STPG2: variants seen among roughly 807,000 people sequenced by gnomAD.
STPG2 encodes sperm tail PG-rich repeat containing 2, also known as sperm-tail PG-rich repeat-containing protein 2.
STPG2 carries 56 observed loss-of-function variants against 54.2 expected under a neutral mutation model. That is an observed-to-expected ratio of 1.03 (90% CI 0.83 to 1.29). The LOEUF (loss-of-function observed/expected upper bound fraction) is 1.29. Among genes scored for constraint, STPG2 ranks in the 50% most tolerant of loss-of-function variants. The pLI, the probability that STPG2 is intolerant of heterozygous loss-of-function variation, is 0.00. For synonymous variants in STPG2, 200 were observed against 181.8 expected (o/e 1.10, Z -0.81); for missense variants, 596 against 544.9 (o/e 1.09, Z -0.93).
At chr4:97,821,372 G>T (rs1578593727) in intron 9 of STPG2, among the ~76,000 whole-genome samples, 1 of 152,154 alleles carries the variant, frequency 6.6e-6, no homozygotes, top group Non-Finnish European at 1.5e-5. Flanking sequence ...GTCTCTGCAG[G>T]ATACAGCCCC....
chr4:97,513,162 A>C (rs1186837830), intron 4 of STPG2, among the ~76,000 whole-genome samples: 1 of 152,090 alleles, frequency 6.6e-6, no homozygotes, highest in African/African-American at 2.4e-5. Flanking sequence ...ATTTATTATA[A>C]AGAATATTAC....
At chr4:98,040,111 T>C (rs1736902528) in intron 5 of STPG2, among the ~76,000 whole-genome samples, 2 of 151,874 alleles carry the variant, frequency 1.3e-5, no homozygotes, top group Non-Finnish European at 1.5e-5. Context: ...TGTTGGCCAC[T>C]TGTATATCTT....
At chr4:97,517,283 G>A (rs966456326) in intron 4 of STPG2, among the ~76,000 whole-genome samples, 1 of 152,070 alleles carries the variant, frequency 6.6e-6, no homozygotes, top group African/African-American at 2.4e-5. Context: ...GTCTGAGGCA[G>A]GAAAATTGCT....
intron 5 of STPG2, among the ~76,000 whole-genome samples, chr4:98,064,025 A>G (rs1737748422): frequency 1.3e-5 from 2 of 152,200 alleles, no homozygotes; most frequent in African/African-American, 2.4e-5. Flanking sequence ...ATAATAAAAG[A>G]TATGGAAGTT....
chr4:97,874,343 AT>A (rs113467851), intron 8 of STPG2, among the ~76,000 whole-genome samples: 12 of 151,262 alleles, frequency 7.9e-5, no homozygotes, highest in East Asian at 1.9e-4. Flanking sequence ...CTCCCAAGTA[AT>A]TTTTTTTGCA....
At chr4:97,601,267 C>T (rs1288683928) in intron 10 of STPG2, among the ~76,000 whole-genome samples, 2 of 151,956 alleles carry the variant, frequency 1.3e-5, no homozygotes, top group Non-Finnish European at 2.9e-5. Flanking sequence ...TTCATATTGT[C>T]TCTTTGTTAA....
At chr4:97,616,116 G>C (rs1415696158) in intron 10 of STPG2, among the ~76,000 whole-genome samples, 2 of 76,126 alleles carry the variant, frequency 2.6e-5, no homozygotes, top group Non-Finnish European at 6.1e-5. Flanking sequence ...TTAATAGTAA[G>C]ACAAAATAAA....
In STPG2 at chr4:97,699,590, G is replaced by A. The variant is rs550632454; in HGVS notation, c.1320+13109C>T. On this transcript the variant is annotated intron_variant, in intron 10 of 10. Transcript: ENST00000295268. ...CTGGCCATTTCTCCTTCCATGCAAA[G>A]TGCATAACCAGGTGCACTGCTCAAA... is the stretch of plus-strand genomic sequence containing the variant. 9.2e-5 allele frequency among the ~76,000 whole-genome samples: 14 copies of A among 152,316 alleles called. No individual in the cohort carries two copies. The South Asian group carries it at 2.9e-3, about 32-fold the overall frequency.
At chr4:97,942,906 T>G (rs1733045767) in intron 8 of STPG2, among the ~76,000 whole-genome samples, 1 of 152,218 alleles carries the variant, frequency 6.6e-6, no homozygotes, top group African/African-American at 2.4e-5. Context: ...CAAAAATGTA[T>G]TTTAATAACA....
chr4:97,828,539 A>G (rs1356165860), intron 9 of STPG2, among the ~76,000 whole-genome samples: 1 of 151,870 alleles, frequency 6.6e-6, no homozygotes, highest in Admixed American at 6.6e-5. Flanking sequence ...TTCCAGCAAG[A>G]CAAAACCATT....
At chr4:97,906,987 A>T (rs1402715038) in intron 8 of STPG2, among the ~76,000 whole-genome samples, 2 of 150,044 alleles carry the variant, frequency 1.3e-5, no homozygotes, top group African/African-American at 4.9e-5. Context: ...CACCACTCCT[A>T]TTCAACATAG....
intron 10 of STPG2, among the ~76,000 whole-genome samples, chr4:97,627,041 A>G (rs926134484): frequency 1.3e-5 from 2 of 152,114 alleles, no homozygotes; most frequent in Non-Finnish European, 2.9e-5. Flanking sequence ...TGTTTCTCAC[A>G]TGCTCTACCA....
chr4:97,724,959 C>A (rs1373413796), intron 9 of STPG2, among the ~76,000 whole-genome samples: 1 of 151,956 alleles, frequency 6.6e-6, no homozygotes, highest in Admixed American at 6.6e-5. Flanking sequence ...TATGAGAATA[C>A]CCTAGAAAAC....
At chr4:97,851,134 T>C (rs1261314531) in intron 8 of STPG2, among the ~76,000 whole-genome samples, 3 of 152,176 alleles carry the variant, frequency 2.0e-5, no homozygotes, top group Non-Finnish European at 4.4e-5. Context: ...GTAGCAGTTA[T>C]TACATTTGCA....
chr4:97,858,752 G>C (rs372196780), intron 8 of STPG2, among the ~76,000 whole-genome samples: 6 of 152,136 alleles, frequency 3.9e-5, no homozygotes, highest in East Asian at 3.9e-4. Context: ...TTGCTGAGTA[G>C]TATTCCATGG....
rs1220174414 is a variant in STPG2 at position 98,128,571 on chromosome 4, G to C, written c.244C>G (p.Leu82Val). Reference protein sequence around the residue: ...EAQKISRSPTLTRSVDVPSIP... With the variant: ...EAQKISRSPTVTRSVDVPSIP... ...GAAGGAACATCAACACTTCTGGTAAGTGTAGGTGATCTTGAAATTTTCTGC... is the reference window on the plus strand; with the variant it reads ...GAAGGAACATCAACACTTCTGGTAACTGTAGGTGATCTTGAAATTTTCTGC... The change falls in exon 3 of 11, where the codon CTT becomes GTT. Residue 82 changes from leucine to valine, a missense_variant. Coordinates refer to ENST00000295268, the MANE Select transcript of STPG2 (RefSeq NM_174952.3). 8 of 1,593,188 alleles carry C rather than the reference G, an allele frequency of 5.0e-6. No individual in the cohort carries two copies. Among genetic ancestry groups the C allele is most frequent in the Middle Eastern group, 3.4e-4 (2 of 5,922 alleles).
At chr4:97,746,179 A>C (rs1157597206) in intron 9 of STPG2, among the ~76,000 whole-genome samples, 1 of 151,276 alleles carries the variant, frequency 6.6e-6, no homozygotes, top group Non-Finnish European at 1.5e-5. Context: ...TAATTACTTT[A>C]TTGCTAAGCC....
At chr4:97,515,806 A>ATG (rs1184570482) in intron 4 of STPG2, among the ~76,000 whole-genome samples, 4 of 150,854 alleles carry the variant, frequency 2.7e-5, no homozygotes, top group Non-Finnish European at 6.0e-5. Flanking sequence ...TTATGTGTGT[A>ATG]TGTGTGTGTG....
At chr4:97,550,807 G>A (rs578103085) in intron 4 of STPG2, among the ~76,000 whole-genome samples, 2 of 152,060 alleles carry the variant, frequency 1.3e-5, no homozygotes, top group South Asian at 2.1e-4. Flanking sequence ...ACAGACCTCC[G>A]CAGTGAGTGT....
Sources: gnomAD v4.1 joint callset for allele counts (sites outside exome capture counted in the v4.1 genomes callset) on GRCh38, gnomAD v4.1.1 for gene constraint, MANE v1.5 for transcripts, NCBI Gene and HGNC (gene_info 2026-07-23, HGNC 2026-07-21) for gene names.